Variants in TOP1 observed in about 807,000 individuals in gnomAD.
TOP1 encodes the protein DNA topoisomerase I, also known as DNA topoisomerase 1.
TOP1 carries 10 observed loss-of-function variants against 111.1 expected under a neutral mutation model. That is an observed-to-expected ratio of 0.09 (90% CI 0.06 to 0.15). The LOEUF (loss-of-function observed/expected upper bound fraction) is 0.15. Among genes scored for constraint, TOP1 ranks in the 10% least tolerant of loss-of-function variants. The pLI is 1.00. For missense variants in TOP1, 474 were observed against 926.7 expected, an observed-to-expected ratio of 0.51 and a Z score of 6.34; for synonymous variants, 271 against 302.9, an observed-to-expected ratio of 0.89 and a Z score of 1.10.
chr20:41,040,453 A>G (rs1368063929), intron 2 of TOP1, among the ~76,000 whole-genome samples: 1 of 152,166 alleles, frequency 6.6e-6, no homozygotes, highest in Admixed American at 6.6e-5. Context: ...CTTAATTTTT[A>G]ATGCTTCCAC....
At chr20:41,073,546 C>T (rs2033691989) in intron 3 of TOP1, 1 of 868,002 alleles carries the variant, frequency 1.2e-6, no homozygotes, top group African/African-American at 1.8e-5. Context: ...TTTCTTAACA[C>T]CAGTATACCT....
chr20:41,092,673 T>C lies in TOP1; in HGVS notation c.730+86T>C. On this transcript the variant is annotated intron_variant, in intron 9 of 20. Coordinates refer to ENST00000361337, the MANE Select transcript of TOP1 (RefSeq NM_003286.4). The surrounding 1 kb of genome is among the most constrained non-coding windows in gnomAD (Gnocchi z 4.3). Reference sequence around the variant, plus strand: ...ATAGAAAACAAGGAAGGATCCTATGTAATAGATAATCCTTTTTATTTCATT... The same window carrying C: ...ATAGAAAACAAGGAAGGATCCTATGCAATAGATAATCCTTTTTATTTCATT... 1 of 662,368 alleles carries C rather than the reference T, an allele frequency of 1.5e-6. No homozygotes were observed. The highest frequency in any genetic ancestry group is 1.8e-5 in the African/African-American group (1 of 54,278). The allele number at this position is 662,368 out of a possible 1,614,324, so 41.0% of individuals were successfully genotyped here.
intron 18 of TOP1, among the ~76,000 whole-genome samples, chr20:41,119,781 A>G (rs1568709227): frequency 6.6e-6 from 1 of 152,236 alleles, no homozygotes; most frequent in Non-Finnish European, 1.5e-5. Context: ...GGATCATATG[A>G]TTGGCAGGCA....
chr20:41,124,257 TTTTA>T lies in TOP1; in HGVS notation c.*964_*967del, dbSNP rs2034461458. 1 of 233,078 alleles carries T rather than the reference TTTTA, an allele frequency of 4.3e-6. No homozygotes were observed. Among genetic ancestry groups the T allele is most frequent in the East Asian group, 6.1e-5 (1 of 16,406 alleles). The allele number at this position is 233,078 out of a possible 1,614,324, so 14.4% of individuals were successfully genotyped here. A position where few individuals can be genotyped will look rare whatever the true frequency, so the allele number is the denominator to read the frequency against. On this transcript the variant is annotated 3_prime_UTR_variant, in exon 21 of 21. Transcript: ENST00000361337. The surrounding 1 kb of genome is among the most constrained non-coding windows in gnomAD (Gnocchi z 5.4). The stretch of plus-strand genomic sequence containing the variant: ...GGAAAAATAATCAAGATTTTAGGGC[TTTTA>T]TTTTTTCTTTTGTAATTGTGTAAAA...
At position 41,061,584 on chromosome 20, in the gene TOP1, A is replaced by G; in HGVS notation, c.155+94A>G. 2.0e-6 allele frequency: 2 copies of G among 1,024,852 alleles called. No individual in the cohort carries two copies. The highest frequency in any genetic ancestry group is 1.6e-5 in the South Asian group (1 of 63,984). 63.5% of individuals were successfully genotyped at this position (1,024,852 alleles called of 1,614,324 possible). On this transcript the variant is annotated intron_variant, in intron 3 of 20. Coordinates refer to ENST00000361337, the MANE Select transcript of TOP1 (RefSeq NM_003286.4). This position sits in a 1 kb window ranked among gnomAD's most constrained non-coding sequence, Gnocchi z 4.6. ...ATAGGTCTTAACTTGAGCTACATGTAAAGATAGCAAAGTAAGTAGAAACTG... is the reference window on the plus strand; with the variant it reads ...ATAGGTCTTAACTTGAGCTACATGTGAAGATAGCAAAGTAAGTAGAAACTG...
At chr20:41,054,557 G>A (rs754279523) in intron 2 of TOP1, among the ~76,000 whole-genome samples, 1 of 152,156 alleles carries the variant, frequency 6.6e-6, no homozygotes, top group Non-Finnish European at 1.5e-5. Context: ...TTTCTCTATC[G>A]TAAGAGTGGT....
intron 8 of TOP1, among the ~76,000 whole-genome samples, chr20:41,091,619 C>T (rs1186167204): frequency 1.5e-5 from 2 of 134,292 alleles, no homozygotes; most frequent in East Asian, 5.5e-4. Context: ...TGCAGTGGCA[C>T]AATCTTGGCT....
Position 41,102,352 on chromosome 20 carries a change from G to T in TOP1, c.1308+999G>T, listed in dbSNP as rs1008359352. ...TGGCTGGGTGTGGTGGCTCAAGCCTGTAATCCCAGCACTTTGGGAGGCCGA... is the reference window on the plus strand; with the variant it reads ...TGGCTGGGTGTGGTGGCTCAAGCCTTTAATCCCAGCACTTTGGGAGGCCGA... On this transcript the variant is annotated intron_variant, in intron 13 of 20. Coordinates refer to ENST00000361337, the MANE Select transcript of TOP1 (RefSeq NM_003286.4). The surrounding 1 kb of genome is among the most constrained non-coding windows in gnomAD (Gnocchi z 4.0). Among the ~76,000 whole-genome samples, 7 of 152,206 alleles carry T rather than the reference G, an allele frequency of 4.6e-5. No homozygotes were observed. Among genetic ancestry groups the T allele is most frequent in the African/African-American group, 1.4e-4 (6 of 41,444 alleles).
chr20:41,076,883 G>A lies in TOP1; in HGVS notation c.279+589G>A, dbSNP rs187585243. Among the ~76,000 whole-genome samples, 60 of 152,220 alleles carry A rather than the reference G, an allele frequency of 3.9e-4. No homozygotes were observed. The East Asian group carries it at 7.5e-3, about 19-fold the overall frequency. On this transcript the variant is annotated intron_variant, in intron 4 of 20. Transcript: ENST00000361337. ...TCTCCCATCCTTCTCAGAGGCAACC[G>A]CTATACTGATTATGTTTTGTATTCT...
chr20:41,049,527 ATTAG>A (rs1262222606), intron 2 of TOP1, among the ~76,000 whole-genome samples: 51 of 152,216 alleles, frequency 3.4e-4, no homozygotes, highest in Non-Finnish European at 6.6e-4. Context: ...CAACGGTAAC[ATTAG>A]AGGCTGATTC....
At chr20:41,099,838 A>G (rs932504806) in intron 11 of TOP1, among the ~76,000 whole-genome samples, 18 of 152,210 alleles carry the variant, frequency 1.2e-4, no homozygotes, top group Non-Finnish European at 2.2e-4. Flanking sequence ...TCAGTTTTGA[A>G]TCTAGTTGAA....
chr20:41,051,091 A>G (rs770164886), intron 2 of TOP1, among the ~76,000 whole-genome samples: 8 of 152,170 alleles, frequency 5.3e-5, no homozygotes, highest in Non-Finnish European at 1.0e-4. Flanking sequence ...CGCTAGTTGT[A>G]TATTTGTATG....
rs978409132 is a variant in TOP1 at position 41,102,187 on chromosome 20, C to G, written c.1308+834C>G. Reference sequence around the variant, plus strand: ...AACATCTGTTAAAATGTGAAAGCCACAGCTGAAAAGGCTATGTGAATAGGC... The same window carrying G: ...AACATCTGTTAAAATGTGAAAGCCAGAGCTGAAAAGGCTATGTGAATAGGC... On this transcript the variant is annotated intron_variant, in intron 13 of 20. Transcript: ENST00000361337. This position sits in a 1 kb window ranked among gnomAD's most constrained non-coding sequence, Gnocchi z 4.0. Among the ~76,000 whole-genome samples, 2 of 152,242 alleles carry G rather than the reference C, an allele frequency of 1.3e-5. No homozygotes were observed. Among genetic ancestry groups the G allele is most frequent in the African/African-American group, 4.8e-5 (2 of 41,458 alleles).
intron 8 of TOP1, among the ~76,000 whole-genome samples, chr20:41,089,302 A>G (rs1050632265): frequency 2.6e-5 from 4 of 152,152 alleles, no homozygotes; most frequent in Non-Finnish European, 2.9e-5. Context: ...CTGGGATTAC[A>G]GGCGTGAGCC....
intron 13 of TOP1, among the ~76,000 whole-genome samples, chr20:41,108,840 G>A (rs1376594276): frequency 6.6e-6 from 1 of 152,144 alleles, no homozygotes; most frequent in Non-Finnish European, 1.5e-5. Flanking sequence ...CTGCTTATGG[G>A]TACTCACTGC....
chr20:41,123,989 G>C lies in TOP1; in HGVS notation c.*692G>C, dbSNP rs998316328. On this transcript the variant is annotated 3_prime_UTR_variant, in exon 21 of 21. Coordinates refer to ENST00000361337, the MANE Select transcript of TOP1 (RefSeq NM_003286.4). This position sits in a 1 kb window ranked among gnomAD's most constrained non-coding sequence, Gnocchi z 5.8. ...TTTAAAATATTTAAACCTTTTTCTT[G>C]ATCTTAAAGATCGTGTAGATTGGGG... The C allele has an allele frequency of 4.3e-6, 1 of 232,358 alleles. No homozygotes were observed. Among genetic ancestry groups the C allele is most frequent in the African/African-American group, 2.2e-5 (1 of 45,196 alleles). 14.4% of individuals were successfully genotyped at this position (232,358 alleles called of 1,614,324 possible).
chr20:41,114,217 T>C lies in TOP1; in HGVS notation c.1638+62T>C. ...CATTATTCAACAAGCATGGGTTGAC[T>C]GCTTTTTTGTGTGCTTTGCACTTTG... On this transcript the variant is annotated intron_variant, in intron 15 of 20. Coordinates refer to ENST00000361337, the MANE Select transcript of TOP1 (RefSeq NM_003286.4). This position sits in a 1 kb window ranked among gnomAD's most constrained non-coding sequence, Gnocchi z 4.5. 4 of 1,447,296 alleles carry C rather than the reference T, an allele frequency of 2.8e-6. No individual in the cohort carries two copies. The highest frequency in any genetic ancestry group is 3.8e-6 in the Non-Finnish European group (4 of 1,051,496). The allele number at this position is 1,447,296 out of a possible 1,614,324, so 89.7% of individuals were successfully genotyped here. A position where few individuals can be genotyped will look rare whatever the true frequency, so the allele number is the denominator to read the frequency against.
intron 2 of TOP1, among the ~76,000 whole-genome samples, chr20:41,048,166 A>G (rs1173950223): frequency 6.6e-6 from 1 of 152,122 alleles, no homozygotes; most frequent in Non-Finnish European, 1.5e-5. Context: ...GAGAGACCCA[A>G]TTGGAATAGA....
chr20:41,075,561 G>A (rs534047687), intron 3 of TOP1, among the ~76,000 whole-genome samples: 2 of 152,310 alleles, frequency 1.3e-5, no homozygotes, highest in African/African-American at 4.8e-5. Context: ...ACATTTTCAT[G>A]GCTCTTGCCT....
Sources: allele counts gnomAD v4.1 joint callset (sites outside exome capture counted in the v4.1 genomes callset), GRCh38; gene constraint gnomAD v4.1.1; non-coding constraint Gnocchi (gnomAD v3.1); transcripts MANE v1.5; gene names NCBI Gene and HGNC (gene_info 2026-07-23, HGNC 2026-07-21).